Variants in TNRC18 observed in about 807,000 individuals in gnomAD.
The protein encoded by TNRC18 is trinucleotide repeat-containing gene 18 protein.
A neutral mutation model predicts 226.7 loss-of-function variants in TNRC18; 69 were observed. That is an observed-to-expected ratio of 0.30 (90% CI 0.25 to 0.37). The LOEUF is 0.37. TNRC18 is among the 10% of genes least tolerant of loss of function. The pLI is 1.00. For synonymous variants in TNRC18, 2,449 were observed against 1,927.6 expected (o/e 1.27, Z -7.09); for missense variants, 4,754 against 4,256.6 (o/e 1.12, Z -3.25).
Position 5,405,102 on chromosome 7 carries a change from G to A in TNRC18, c.188-10507C>T, listed in dbSNP as rs557211074. On this transcript the variant is annotated intron_variant, in intron 2 of 29. Transcript: ENST00000430969. ...ACTGCACTCCAGCCTGGGCAACAGA[G>A]TGAGACTTCGTCTCAAAAAAAAAAA... is the stretch of plus-strand genomic sequence containing the variant. Among the ~76,000 whole-genome samples, 143 of 145,116 alleles carry A rather than the reference G, an allele frequency of 9.9e-4. 1 individual carries two copies. The South Asian group carries it at 0.017, about 17-fold the overall frequency.
At chr7:5,343,311 G>A (rs771726270) in intron 18 of TNRC18, among the ~76,000 whole-genome samples, 1 of 152,216 alleles carries the variant, frequency 6.6e-6, no homozygotes, top group African/African-American at 2.4e-5. Flanking sequence ...CAGAGATCAC[G>A]CCACTACACT....
At chr7:5,320,477 C>G in intron 23 of TNRC18, 51 bp from the exon 24 acceptor site, 1 of 1,567,742 alleles carries the variant, frequency 6.4e-7, no homozygotes, top group Non-Finnish European at 8.7e-7. Flanking sequence ...ATGGCCATGG[C>G]CTTGGACACC....
In TNRC18 at chr7:5,332,889, C is replaced by T. The variant is rs1489999761; in HGVS notation, c.5880G>A (p.Lys1960=). 15 of 1,525,410 alleles carry T rather than the reference C, an allele frequency of 9.8e-6. No individual in the cohort carries two copies. The highest frequency in any genetic ancestry group is 1.2e-5 in the Non-Finnish European group (14 of 1,144,738). 94.5% of individuals were successfully genotyped at this position (1,525,410 alleles called of 1,614,324 possible). The change falls in exon 19 of 30, where the codon AAG becomes AAA. Residue 1960 remains lysine, a synonymous_variant. Coordinates refer to ENST00000430969, the MANE Select transcript of TNRC18 (RefSeq NM_001080495.3). Reference sequence around the variant, plus strand: ...GCCCCTTCTCCACCGCCAGCTTGGCCTTGTCTGGGCTGCTGGGGTCGGGAC... The same window carrying T: ...GCCCCTTCTCCACCGCCAGCTTGGCTTTGTCTGGGCTGCTGGGGTCGGGAC... ...ARGPDPSSPD[K]AKLAVEKGRK...
At chr7:5,386,647 G>T (rs1380171366) in intron 5 of TNRC18, among the ~76,000 whole-genome samples, 1 of 152,016 alleles carries the variant, frequency 6.6e-6, no homozygotes, top group Non-Finnish European at 1.5e-5. Context: ...CTACTTGGGA[G>T]GCTAAGGTTG....
Position 5,324,498 on chromosome 7 carries a change from C to T in TNRC18, c.6301-143G>A, listed in dbSNP as rs1788698440. On this transcript the variant is annotated intron_variant, in intron 20 of 29. Transcript: ENST00000430969. This position sits in a 1 kb window ranked among gnomAD's most constrained non-coding sequence, Gnocchi z 4.8. ...GCATGGCAGGGATCCCAGTTAGGGG[C>T]ACCCCAGAGGCCAGGGGGAAGGTGA... is the stretch of plus-strand genomic sequence containing the variant. 9 of 1,202,178 alleles carry T rather than the reference C, an allele frequency of 7.5e-6. No individual in the cohort carries two copies. The highest frequency in any genetic ancestry group is 1.5e-5 in the African/African-American group (1 of 66,102). 74.5% of individuals were successfully genotyped at this position (1,202,178 alleles called of 1,614,324 possible).
chr7:5,366,318 C>CTTTTTTTTTTTTTT lies in TNRC18; in HGVS notation c.4220-3507_4220-3494dup, dbSNP rs202053648. On this transcript the variant is annotated intron_variant, in intron 11 of 29. Transcript: ENST00000430969. ...AATGCTTGTTTTGCTCTTCTTATAT[C>CTTTTTTTTTTTTTT]TTTTTTTTTTTTTTTTTTTTTTTTT... Among the ~76,000 whole-genome samples the CTTTTTTTTTTTTTT allele has an allele frequency of 1.1e-3, 78 of 70,480 alleles. 9 individuals carry two copies. Among genetic ancestry groups the CTTTTTTTTTTTTTT allele is most frequent in the African/African-American group, 1.6e-3 (26 of 15,854 alleles). 46.2% of individuals were successfully genotyped at this position (70,480 alleles called of 152,430 possible). A position where few individuals can be genotyped will look rare whatever the true frequency, so the allele number is the denominator to read the frequency against.
At chr7:5,341,905 T>C (rs1369415735) in intron 18 of TNRC18, among the ~76,000 whole-genome samples, 1 of 152,182 alleles carries the variant, frequency 6.6e-6, no homozygotes, top group African/African-American at 2.4e-5. Flanking sequence ...CTACTGCTCA[T>C]TGACGATGTA....
intron 5 of TNRC18, 54 bp downstream of exon 5, chr7:5,387,618 A>G: frequency 6.3e-7 from 1 of 1,593,000 alleles, no homozygotes; most frequent in Non-Finnish European, 8.5e-7. Context: ...ATGTACGGGA[A>G]ACGGCAGAGA....
At chr7:5,400,467 G>T (rs1056236402) in intron 2 of TNRC18, among the ~76,000 whole-genome samples, 1 of 151,936 alleles carries the variant, frequency 6.6e-6, no homozygotes, top group African/African-American at 2.4e-5. Flanking sequence ...AAAATTAGCC[G>T]GGCATGGTGT....
intron 27 of TNRC18, among the ~76,000 whole-genome samples, chr7:5,310,501 C>G (rs1337596318): frequency 6.6e-6 from 1 of 152,146 alleles, no homozygotes; most frequent in East Asian, 1.9e-4. Flanking sequence ...TCCCAGAGTG[C>G]TGGGATTACA....
At chr7:5,419,544 C>A (rs1782408901) in intron 2 of TNRC18, among the ~76,000 whole-genome samples, 1 of 151,800 alleles carries the variant, frequency 6.6e-6, no homozygotes. Flanking sequence ...CCCAGGGCCG[C>A]CCCCCAAGTT....
chr7:5,376,024 C>A lies in TNRC18; in HGVS notation c.2799+10G>T. On this transcript the variant is annotated intron_variant, in intron 9 of 29. Transcript: ENST00000430969. ...CCAGAGGGAGCTGCGCCTCATCCTC[C>A]CCGACTTACCACGAGCTGGGCGCTC... is the stretch of plus-strand genomic sequence containing the variant. 1.9e-6 allele frequency: 3 copies of A among 1,584,292 alleles called. No homozygotes were observed. The highest frequency in any genetic ancestry group is 1.7e-6 in the Non-Finnish European group (2 of 1,167,082).
Position 5,377,626 on chromosome 7 carries a change from CGA to C in TNRC18, c.2256-52_2256-51del. 1 of 1,520,764 alleles carries C rather than the reference CGA, an allele frequency of 6.6e-7. No individual in the cohort carries two copies. The highest frequency in any genetic ancestry group is 1.2e-5 in the South Asian group (1 of 82,664). 94.2% of individuals were successfully genotyped at this position (1,520,764 alleles called of 1,614,324 possible). On this transcript the variant is annotated intron_variant, in intron 6 of 29. Transcript: ENST00000430969. The surrounding 1 kb of genome is among the most constrained non-coding windows in gnomAD (Gnocchi z 5.8). The stretch of plus-strand genomic sequence containing the variant: ...GCGACAGCTCGGACAGCCCAGGGGA[CGA>C]GAGGGAGAAGCGGGGTTGCCCCAAG...
At chr7:5,314,292 G>A (rs1787619133) in intron 26 of TNRC18, among the ~76,000 whole-genome samples, 1 of 152,112 alleles carries the variant, frequency 6.6e-6, no homozygotes, top group Admixed American at 6.6e-5. Flanking sequence ...TTCAATCCTG[G>A]CCCTGCTACT....
chr7:5,411,179 G>A (rs1781815754), intron 2 of TNRC18, among the ~76,000 whole-genome samples: 1 of 141,386 alleles, frequency 7.1e-6, no homozygotes, highest in East Asian at 2.1e-4. Flanking sequence ...TCGTGCCACT[G>A]CACTCCCGCT....
Position 5,308,017 on chromosome 7 carries a change from C to A in TNRC18, c.*89G>T. 7.9e-7 allele frequency: 1 copy of A among 1,271,808 alleles called. No homozygotes were observed. Among genetic ancestry groups the A allele is most frequent in the Non-Finnish European group, 1.1e-6 (1 of 918,228 alleles). 78.8% of individuals were successfully genotyped at this position (1,271,808 alleles called of 1,614,324 possible). A position where few individuals can be genotyped will look rare whatever the true frequency, so the allele number is the denominator to read the frequency against. ...GCCTGCAGGAGCGCTCGCATGCACA[C>A]AACGCACGTGGTCTCCGCGCCATGG... On this transcript the variant is annotated 3_prime_UTR_variant, in exon 30 of 30. Coordinates refer to ENST00000430969, the MANE Select transcript of TNRC18 (RefSeq NM_001080495.3).
intron 17 of TNRC18, among the ~76,000 whole-genome samples, chr7:5,348,430 G>C: frequency 6.6e-6 from 1 of 152,314 alleles, no homozygotes; most frequent in Non-Finnish European, 1.5e-5. Context: ...CGGATAGACA[G>C]ACGGGGAAGA....
At chr7:5,404,423 A>G (rs1260393257) in intron 2 of TNRC18, among the ~76,000 whole-genome samples, 5 of 152,202 alleles carry the variant, frequency 3.3e-5, no homozygotes, top group Non-Finnish European at 7.3e-5. Flanking sequence ...GTAAATGGCT[A>G]AACTCCATCG....
At position 5,377,475 on chromosome 7, in the gene TNRC18, G is replaced by A. The variant is rs372652338; in HGVS notation, c.2357C>T (p.Ala786Val). The A allele has an allele frequency of 5.2e-4, 824 of 1,581,048 alleles. No individual in the cohort carries two copies. Among genetic ancestry groups the A allele is most frequent in the Non-Finnish European group, 6.2e-4 (727 of 1,164,742 alleles). The change falls in exon 7 of 30, where the codon GCG becomes GTG. Residue 786 changes from alanine (A) to valine (V), a missense_variant. Transcript: ENST00000430969. This position sits in a 1 kb window ranked among gnomAD's most constrained non-coding sequence, Gnocchi z 5.8. ...GTCGGCAGACCAGCGACCTGAGCCCGCCAGCGCCGGGCCCCCCGTCACCAT... is the reference window on the plus strand; with the variant it reads ...GTCGGCAGACCAGCGACCTGAGCCCACCAGCGCCGGGCCCCCCGTCACCAT... ...NLMVTGGPAL[A>V]GSGRWSADPA...
Sources: allele counts gnomAD v4.1 joint callset (sites outside exome capture counted in the v4.1 genomes callset), GRCh38; gene constraint gnomAD v4.1.1; non-coding constraint Gnocchi (gnomAD v3.1); transcripts MANE v1.5; gene names NCBI Gene and HGNC (gene_info 2026-07-23, HGNC 2026-07-21).